Variants in AFG2A observed in about 807,000 individuals in gnomAD.
The protein encoded by AFG2A is ATPase family gene 2 protein homolog A.
the AFG2A span, among the ~76,000 whole-genome samples, chr4:123,196,520 TCA>T: frequency 3.3e-5 from 5 of 152,156 alleles, no homozygotes; most frequent in African/African-American, 9.7e-5. Flanking sequence ...TCTGAGCATT[TCA>T]CACACAAAAC....
the AFG2A span, chr4:123,028,258 A>C: frequency 6.2e-7 from 1 of 1,614,174 alleles, no homozygotes; most frequent in African/African-American, 1.3e-5. Flanking sequence ...ATGGCCCTTA[A>C]AACATCCAGA....
chr4:123,274,437 A>G, the AFG2A span, among the ~76,000 whole-genome samples: 2 of 151,866 alleles, frequency 1.3e-5, no homozygotes, highest in Non-Finnish European at 2.9e-5. Flanking sequence ...ACTCTTAACC[A>G]TAATAACAAA....
At chr4:123,299,511 A>G in the AFG2A span, among the ~76,000 whole-genome samples, 87 of 152,298 alleles carry the variant, frequency 5.7e-4, no homozygotes, top group African/African-American at 2.0e-3. Context: ...TGTATGTATT[A>G]TCATTCATAG....
At chr4:123,193,895 C>G in the AFG2A span, among the ~76,000 whole-genome samples, 1 of 152,036 alleles carries the variant, frequency 6.6e-6, no homozygotes, top group Non-Finnish European at 1.5e-5. Context: ...CACACACAGC[C>G]TTACATTTTT....
At chr4:123,306,422 G>T in the AFG2A span, among the ~76,000 whole-genome samples, 1 of 152,020 alleles carries the variant, frequency 6.6e-6, no homozygotes, top group African/African-American at 2.4e-5. Context: ...TCTTCGTCTA[G>T]CTCTGACAGT....
chr4:123,230,231 C>T, the AFG2A span, among the ~76,000 whole-genome samples: 1 of 151,992 alleles, frequency 6.6e-6, no homozygotes, highest in East Asian at 1.9e-4. Context: ...CACAATATAA[C>T]TTTTAAAACT....
chr4:123,072,820 A>G, the AFG2A span, among the ~76,000 whole-genome samples: 3 of 151,992 alleles, frequency 2.0e-5, no homozygotes, highest in Non-Finnish European at 4.4e-5. Flanking sequence ...GCATTTGTTT[A>G]TGGAAGAACA....
chr4:123,196,515 G>A, the AFG2A span, among the ~76,000 whole-genome samples: 1 of 151,918 alleles, frequency 6.6e-6, no homozygotes, highest in African/African-American at 2.4e-5. Context: ...GTTTTTCTGA[G>A]CATTTCACAC....
the AFG2A span, among the ~76,000 whole-genome samples, chr4:122,948,387 T>TACACACACACACAC: frequency 1.4e-3 from 176 of 129,614 alleles, 2 homozygotes; most frequent in Middle Eastern, 3.7e-3. Flanking sequence ...CTCCAGAGTA[T>TACACACACACACAC]ACACACACAC....
the AFG2A span, among the ~76,000 whole-genome samples, chr4:123,048,688 T>C: frequency 3.5e-4 from 54 of 152,310 alleles, no homozygotes; most frequent in Non-Finnish European, 6.0e-4. Context: ...TATTGGTGTA[T>C]AGAAGTGCTA....
At chr4:123,249,796 A>C in the AFG2A span, among the ~76,000 whole-genome samples, 1 of 152,200 alleles carries the variant, frequency 6.6e-6, no homozygotes, top group East Asian at 1.9e-4. Context: ...GAATGGGTAG[A>C]AGTGACAGGT....
chr4:123,008,125 G>C, the AFG2A span, among the ~76,000 whole-genome samples: 7 of 152,292 alleles, frequency 4.6e-5, no homozygotes, highest in Middle Eastern at 3.4e-3. Flanking sequence ...TCTGCAGGCT[G>C]TACGAGAAGC....
the AFG2A span, among the ~76,000 whole-genome samples, chr4:123,247,791 T>A: frequency 6.6e-6 from 1 of 152,170 alleles, no homozygotes; most frequent in African/African-American, 2.4e-5. Context: ...TCCAAAAAAG[T>A]TTTATGTATG....
the AFG2A span, among the ~76,000 whole-genome samples, chr4:122,990,330 A>C: frequency 6.6e-6 from 1 of 152,200 alleles, no homozygotes; most frequent in African/African-American, 2.4e-5. Flanking sequence ...CATCAGTTTC[A>C]TCACAGTTGT....
the AFG2A span, among the ~76,000 whole-genome samples, chr4:123,187,145 A>T: frequency 6.6e-6 from 1 of 152,218 alleles, no homozygotes; most frequent in Non-Finnish European, 1.5e-5. Flanking sequence ...ATTCAAAATT[A>T]TAAATAACCA....
the AFG2A span, among the ~76,000 whole-genome samples, chr4:123,164,779 G>A: frequency 6.6e-6 from 1 of 152,070 alleles, no homozygotes; most frequent in African/African-American, 2.4e-5. Flanking sequence ...ATTATGACAG[G>A]AAATCATTTC....
chr4:123,007,466 CCTCT>C, the AFG2A span, among the ~76,000 whole-genome samples: 1 of 150,770 alleles, frequency 6.6e-6, no homozygotes, highest in African/African-American at 2.4e-5. Context: ...ATCCCCACTC[CCTCT>C]GTCTCTGTAC....
chr4:122,966,676 A>G, the AFG2A span, among the ~76,000 whole-genome samples: 3 of 152,218 alleles, frequency 2.0e-5, no homozygotes, highest in Admixed American at 6.5e-5. Flanking sequence ...GAGAGTCATT[A>G]GGTAAACTAA....
the AFG2A span, among the ~76,000 whole-genome samples, chr4:123,131,223 A>C: frequency 1.3e-5 from 2 of 152,118 alleles, no homozygotes; most frequent in African/African-American, 4.8e-5. Flanking sequence ...ACAGAGCAAA[A>C]AATTTTAGTT....
Sources: gnomAD v4.1 joint callset for allele counts (sites outside exome capture counted in the v4.1 genomes callset) on GRCh38, gnomAD v4.1.1 for gene constraint, MANE v1.5 for transcripts, NCBI Gene and HGNC (gene_info 2026-07-23, HGNC 2026-07-21) for gene names.